Variants in THADA observed in about 807,000 individuals in gnomAD.
THADA encodes THADA armadillo repeat containing.
Under a neutral mutation model 219.8 loss-of-function variants are expected in THADA, and 213 were observed. The observed-to-expected ratio is 0.97, with a 90% confidence interval of 0.87 to 1.09. The LOEUF (loss-of-function observed/expected upper bound fraction) is 1.09, where lower values mean the gene tolerates loss of function less well. THADA is among the 50% of genes least tolerant of loss of function. The pLI, the probability that THADA is intolerant of heterozygous loss-of-function variation, is 0.00. For synonymous variants in THADA, 1,018 were observed against 828.9 expected (o/e 1.23, Z -3.92); for missense variants, 2,956 against 2,311.3 (o/e 1.28, Z -5.72).
chr2:43,506,023 T>C (rs776552436), intron 23 of THADA, among the ~76,000 whole-genome samples: 5 of 152,176 alleles, frequency 3.3e-5, no homozygotes, highest in African/African-American at 4.8e-5. Flanking sequence ...ATGGCTCTTA[T>C]TGACAACTCC....
At chr2:43,334,369 T>C (rs776828503) in intron 30 of THADA, among the ~76,000 whole-genome samples, 1 of 152,096 alleles carries the variant, frequency 6.6e-6, no homozygotes, top group Non-Finnish European at 1.5e-5. Flanking sequence ...GATAGATTAT[T>C]AGAATTAACT....
intron 20 of THADA, among the ~76,000 whole-genome samples, chr2:43,546,449 T>G (rs1696050790): frequency 6.6e-6 from 1 of 152,202 alleles, no homozygotes; most frequent in South Asian, 2.1e-4. Context: ...CTCGTTGATC[T>G]GTCTAATGTT....
At chr2:43,349,432 C>T (rs1269159319) in intron 29 of THADA, among the ~76,000 whole-genome samples, 1 of 152,190 alleles carries the variant, frequency 6.6e-6, no homozygotes, top group Non-Finnish European at 1.5e-5. Context: ...AGACATGAGG[C>T]AGTTCCCTGA....
Position 43,387,115 on chromosome 2 carries a change from A to C in THADA, c.4227+10856T>G, listed in dbSNP as rs181150959. On this transcript the variant is annotated intron_variant, in intron 29 of 37. Transcript: ENST00000405975. ...TCACACAGCCTCTTGTCCCCCACCC[A>C]AGAGAGGATCAATGAAACAGACAGC... is the stretch of plus-strand genomic sequence containing the variant. Among the ~76,000 whole-genome samples, 192 of 152,238 alleles carry C rather than the reference A, an allele frequency of 1.3e-3. 1 individual carries two copies. Among genetic ancestry groups the C allele is most frequent in the Admixed American group, 2.6e-3 (40 of 15,294 alleles).
At chr2:43,587,070 G>T (rs1701105859) in intron 4 of THADA, 68 bp from the exon 5 acceptor site, 2 of 1,473,044 alleles carry the variant, frequency 1.4e-6, no homozygotes, top group Non-Finnish European at 1.9e-6. Context: ...AGAGGGAAGA[G>T]AATCATACAA....
intron 21 of THADA, among the ~76,000 whole-genome samples, chr2:43,533,552 T>C (rs529581658): frequency 3.9e-5 from 6 of 152,250 alleles, no homozygotes; most frequent in South Asian, 4.1e-4. Flanking sequence ...TGGAATACCA[T>C]ACAGCCACAA....
chr2:43,492,643 T>G (rs1046099878), intron 25 of THADA, among the ~76,000 whole-genome samples: 1 of 152,220 alleles, frequency 6.6e-6, no homozygotes, highest in Non-Finnish European at 1.5e-5. Context: ...CTGAGAAAAC[T>G]AAATGAGATT....
rs911981370 is a variant in THADA, at chr2:43,307,526, T to C, written c.4438+12920A>G. Among the ~76,000 whole-genome samples the C allele has an allele frequency of 3.9e-5, 6 of 152,368 alleles. No individual in the cohort carries two copies. The East Asian group carries it at 7.7e-4, about 20-fold the overall frequency. On this transcript the variant is annotated intron_variant, in intron 31 of 37. Coordinates refer to ENST00000405975, the MANE Select transcript of THADA (RefSeq NM_022065.5). ...AACTCATGTAGGCTCACAATAGTTA[T>C]GTGTTCTCTCACCCAGAGTAGAGAC... is the stretch of plus-strand genomic sequence containing the variant.
At chr2:43,431,279 C>G (rs1679235465) in intron 26 of THADA, among the ~76,000 whole-genome samples, 1 of 152,078 alleles carries the variant, frequency 6.6e-6, no homozygotes. Context: ...ACCATTCAAC[C>G]CACACATACA....
intron 1 of THADA, among the ~76,000 whole-genome samples, chr2:43,594,941 T>C (rs983246997): frequency 6.6e-6 from 1 of 152,232 alleles, no homozygotes; most frequent in Non-Finnish European, 1.5e-5. Context: ...CACTTACTAG[T>C]ACCAGAAATT....
At chr2:43,505,296 C>T (rs928544813) in intron 24 of THADA, among the ~76,000 whole-genome samples, 1 of 151,410 alleles carries the variant, frequency 6.6e-6, no homozygotes, top group Non-Finnish European at 1.5e-5. Flanking sequence ...ACTAAAGCAA[C>T]GGTTTATTTT....
chr2:43,505,725 G>T lies in THADA; in HGVS notation c.3518C>A (p.Ala1173Glu). 1.3e-6 allele frequency: 2 copies of T among 1,578,866 alleles called. No homozygotes were observed. The highest frequency in any genetic ancestry group is 1.7e-6 in the Non-Finnish European group (2 of 1,159,684). The change falls in exon 24 of 38, where the codon GCA becomes GAA. Residue 1173 changes from alanine (A) to glutamate (E), a missense_variant. Ala to Glu is a moderately radical substitution (Grantham distance 107, BLOSUM62 -1). Transcript: ENST00000405975. ...CATTCTGCCTTTCTTTGGTTCAGATGCCAACAGTGCCTATGGAAAAAGAAT... is the reference window on the plus strand; with the variant it reads ...CATTCTGCCTTTCTTTGGTTCAGATTCCAACAGTGCCTATGGAAAAAGAAT... ...GIPFYIQALL[A>E]SEPKKGRMDL...
chr2:43,339,234 A>G (rs1296889752), intron 30 of THADA, among the ~76,000 whole-genome samples: 1 of 152,198 alleles, frequency 6.6e-6, no homozygotes, highest in Non-Finnish European at 1.5e-5. Context: ...AAATTTTAGT[A>G]GGGCACATAT....
In THADA at chr2:43,230,919, T is replaced by A. The variant is rs749429027; in HGVS notation, c.*29A>T. ...ATTTAGTGGAGGAAAAATCCACACA[T>A]ACCCCCATCCCAATCCCCCAGATTT... On this transcript the variant is annotated 3_prime_UTR_variant, in exon 38 of 38. Coordinates refer to ENST00000405975, the MANE Select transcript of THADA (RefSeq NM_022065.5). The A allele has an allele frequency of 1.6e-4, 249 of 1,572,938 alleles. No individual in the cohort carries two copies. Among genetic ancestry groups the A allele is most frequent in the Non-Finnish European group, 2.0e-4 (236 of 1,156,550 alleles).
intron 31 of THADA, among the ~76,000 whole-genome samples, chr2:43,305,701 G>A (rs1347016441): frequency 6.6e-6 from 1 of 152,062 alleles, no homozygotes; most frequent in South Asian, 2.1e-4. Context: ...AAAGGATCTG[G>A]GTAGGCTAAA....
At position 43,277,582 on chromosome 2, in the gene THADA, C is replaced by A. The variant is rs576725210; in HGVS notation, c.5296+2183G>T. 5.3e-5 allele frequency among the ~76,000 whole-genome samples: 8 copies of A among 152,352 alleles called. No individual in the cohort carries two copies. In the South Asian group the frequency reaches 1.7e-3, roughly 32 times the overall value. On this transcript the variant is annotated intron_variant, in intron 36 of 37. Transcript: ENST00000405975. ...CGGTCTGAGAGCAGAGCTCTGTCTG[C>A]ATCCATCCCTCACTGACAGTGGGAG... is the stretch of plus-strand genomic sequence containing the variant.
chr2:43,295,788 A>G (rs1446645036), intron 31 of THADA, among the ~76,000 whole-genome samples: 1 of 152,218 alleles, frequency 6.6e-6, no homozygotes, highest in Non-Finnish European at 1.5e-5. Context: ...TTAAAAATAT[A>G]GAGTATTTAT....
chr2:43,511,136 T>C (rs1050112130), intron 22 of THADA, among the ~76,000 whole-genome samples: 2 of 152,052 alleles, frequency 1.3e-5, no homozygotes, highest in African/African-American at 4.8e-5. Flanking sequence ...CCTAGAACCA[T>C]GGGAAAGTTA....
intron 26 of THADA, among the ~76,000 whole-genome samples, chr2:43,454,953 A>G (rs1192919131): frequency 6.6e-6 from 1 of 152,002 alleles, no homozygotes. Context: ...TCACTTCACA[A>G]AATTTTGGAA....
Sources: allele counts gnomAD v4.1 joint callset (sites outside exome capture counted in the v4.1 genomes callset), GRCh38; gene constraint gnomAD v4.1.1; transcripts MANE v1.5; gene names NCBI Gene and HGNC (gene_info 2026-07-23, HGNC 2026-07-21).